RAB28: variants seen among roughly 807,000 people sequenced by gnomAD.
The protein encoded by RAB28 is ras-related protein Rab-28.
Under a neutral mutation model 31.7 loss-of-function variants are expected in RAB28, and 24 were observed. The observed-to-expected ratio is 0.76, with a 90% CI of 0.55 to 1.06. The LOEUF is 1.06. Among genes scored for constraint, RAB28 ranks in the 50% least tolerant of loss-of-function variants. The pLI, the probability that RAB28 is intolerant of heterozygous loss-of-function variation, is 0.00. For synonymous variants in RAB28, 100 were observed against 90.4 expected, an observed-to-expected ratio of 1.11 and a Z score of -0.60; for missense variants, 254 against 258.5, an observed-to-expected ratio of 0.98 and a Z score of 0.12.
chr4:13,424,135 A>T (rs909155864), intron 4 of RAB28, among the ~76,000 whole-genome samples: 5 of 152,220 alleles, frequency 3.3e-5, no homozygotes, highest in African/African-American at 1.2e-4. Flanking sequence ...TCTATGAGAA[A>T]TCAAGTATCA....
intron 3 of RAB28, among the ~76,000 whole-genome samples, chr4:13,463,932 G>A (rs1715718373): frequency 6.6e-6 from 1 of 151,848 alleles, no homozygotes; most frequent in African/African-American, 2.4e-5. Context: ...CTTACAATAA[G>A]AAAAAGGCAG....
At chr4:13,429,207 A>G (rs1458217793) in intron 4 of RAB28, among the ~76,000 whole-genome samples, 1 of 152,094 alleles carries the variant, frequency 6.6e-6, no homozygotes, top group African/African-American at 2.4e-5. Flanking sequence ...TCAGCCTCCC[A>G]AAGTGCTGGG....
intron 2 of RAB28, among the ~76,000 whole-genome samples, chr4:13,478,609 C>G (rs1716470266): frequency 6.6e-6 from 1 of 151,610 alleles, no homozygotes; most frequent in South Asian, 2.1e-4. Flanking sequence ...CACTTGCAAC[C>G]ATTTTCTCCA....
At chr4:13,407,469 C>T (rs139033639) in intron 4 of RAB28, among the ~76,000 whole-genome samples, 108 of 151,036 alleles carry the variant, frequency 7.2e-4, no homozygotes, top group African/African-American at 2.4e-3. Flanking sequence ...CTGTTTGCTT[C>T]GGATTGTCTT....
At chr4:13,449,545 T>A (rs1446232826) in intron 4 of RAB28, among the ~76,000 whole-genome samples, 1 of 151,920 alleles carries the variant, frequency 6.6e-6, no homozygotes, top group African/African-American at 2.4e-5. Context: ...AACTTTCCAA[T>A]GTAAAACATC....
intron 4 of RAB28, among the ~76,000 whole-genome samples, chr4:13,444,055 T>C (rs1044496241): frequency 3.3e-5 from 5 of 149,962 alleles, no homozygotes; most frequent in Admixed American, 2.7e-4. Context: ...CATGACGGAG[T>C]CTCGCTGTGT....
intron 4 of RAB28, among the ~76,000 whole-genome samples, chr4:13,418,916 T>A (rs1057192545): frequency 6.6e-6 from 1 of 152,118 alleles, no homozygotes; most frequent in Non-Finnish European, 1.5e-5. Flanking sequence ...TTACCTTAAA[T>A]GTAAATGGGC....
intron 6 of RAB28, among the ~76,000 whole-genome samples, chr4:13,372,508 T>G (rs545586751): frequency 6.6e-6 from 1 of 152,184 alleles, no homozygotes; most frequent in East Asian, 1.9e-4. Flanking sequence ...AAATTTTATT[T>G]AAAAAATTAA....
chr4:13,388,354 A>G (rs1729474757), intron 4 of RAB28, among the ~76,000 whole-genome samples: 1 of 152,066 alleles, frequency 6.6e-6, no homozygotes, highest in African/African-American at 2.4e-5. Flanking sequence ...CTTACACCAC[A>G]CACAAAAATT....
At chr4:13,436,889 AC>A (rs1714146667) in intron 4 of RAB28, among the ~76,000 whole-genome samples, 2 of 152,210 alleles carry the variant, frequency 1.3e-5, no homozygotes, top group Non-Finnish European at 2.9e-5. Flanking sequence ...ACCAAAAAAA[AC>A]AGCCTGGATA....
At chr4:13,481,135 T>C (rs28607563) in intron 1 of RAB28, among the ~76,000 whole-genome samples, 2,684 of 152,136 alleles carry the variant, frequency 0.018, 82 homozygotes, top group African/African-American at 0.061. Context: ...TGTTAAGGAA[T>C]ATTCAGAAAA....
intron 1 of RAB28, 117 bp downstream of exon 1, chr4:13,483,959 C>T (rs1344114655): frequency 4.1e-6 from 4 of 967,528 alleles, no homozygotes; most frequent in South Asian, 1.5e-5. Flanking sequence ...CCAGAAGGGC[C>T]CGGGCCTAGA....
chr4:13,379,743 G>C (rs1450052079), intron 5 of RAB28, among the ~76,000 whole-genome samples: 1 of 152,056 alleles, frequency 6.6e-6, no homozygotes, highest in Non-Finnish European at 1.5e-5. Context: ...AGTGACTAAG[G>C]TGGCATCAGG....
intron 4 of RAB28, among the ~76,000 whole-genome samples, chr4:13,384,372 G>GTGCTGC (rs151083323): frequency 1.3e-5 from 2 of 152,002 alleles, no homozygotes; most frequent in Non-Finnish European, 2.9e-5. Context: ...GTACCCCACC[G>GTGCTGC]TGCTGCTGCT....
rs748297852 is a variant in RAB28, at chr4:13,369,932, C to A, written c.574-1282G>T. On this transcript the variant is annotated intron_variant, in intron 6 of 6. Coordinates refer to ENST00000330852, the MANE Select transcript of RAB28 (RefSeq NM_001017979.3). ...GAGGTGGTATGTTGATTTTCTTCTT[C>A]CGGGTACTTCACTATTTCTGCCCTG... 4.3e-6 allele frequency: 7 copies of A among 1,612,154 alleles called. No homozygotes were observed. The highest frequency in any genetic ancestry group is 1.6e-4 in the Middle Eastern group (1 of 6,072).
chr4:13,418,059 T>G (rs1049958920), intron 4 of RAB28, among the ~76,000 whole-genome samples: 12 of 152,158 alleles, frequency 7.9e-5, no homozygotes, highest in African/African-American at 2.7e-4. Context: ...AGACCTTAAA[T>G]GACCTGATGG....
intron 4 of RAB28, among the ~76,000 whole-genome samples, chr4:13,403,086 C>T (rs78806965): frequency 3.3e-5 from 5 of 152,106 alleles, no homozygotes; most frequent in African/African-American, 1.2e-4. Flanking sequence ...TGAGTCAGTG[C>T]GCCCGGACCC....
chr4:13,367,908 T>A lies in RAB28; in HGVS notation c.*650A>T. The A allele has an allele frequency of 1.0e-6, 1 of 983,152 alleles. No individual in the cohort carries two copies. The highest frequency in any genetic ancestry group is 1.2e-6 in the Non-Finnish European group (1 of 827,866). 60.9% of individuals were successfully genotyped at this position (983,152 alleles called of 1,614,324 possible). A position where few individuals can be genotyped will look rare whatever the true frequency, so the allele number is the denominator to read the frequency against. On this transcript the variant is annotated 3_prime_UTR_variant, in exon 7 of 7. Transcript: ENST00000330852. ...TCAAACCTGAGTATTACACAATACA[T>A]AACGACAACGATACAGTAATAAAAA...
intron 3 of RAB28, chr4:13,474,090 A>T: frequency 3.0e-6 from 2 of 671,714 alleles, no homozygotes; most frequent in Non-Finnish European, 5.6e-6. Flanking sequence ...AATGTAAATA[A>T]CATACGAAAG....
Sources: allele counts gnomAD v4.1 joint callset (sites outside exome capture counted in the v4.1 genomes callset), GRCh38; gene constraint gnomAD v4.1.1; transcripts MANE v1.5; gene names NCBI Gene and HGNC (gene_info 2026-07-23, HGNC 2026-07-21).